Variants in ZNF790 observed in about 807,000 individuals in gnomAD.
The protein encoded by ZNF790 is zinc finger protein 790.
A neutral mutation model predicts 12.1 loss-of-function variants in ZNF790; 8 were observed. The ratio of observed to expected loss-of-function variants is 0.66; its 90% confidence interval spans 0.39 to 1.19. ZNF790 has a LOEUF of 1.19. Among genes scored for constraint, ZNF790 ranks in the 50% most tolerant of loss-of-function variants. ZNF790 has a pLI of 0.01. For synonymous variants in ZNF790, 252 were observed against 244.3 expected (o/e 1.03, Z -0.29); for missense variants, 707 against 752.2 (o/e 0.94, Z 0.70).
At chr19:36,829,863 G>A (rs548578720) in intron 1 of ZNF790, among the ~76,000 whole-genome samples, 7 of 152,198 alleles carry the variant, frequency 4.6e-5, no homozygotes, top group African/African-American at 1.2e-4. Context: ...TACCATGCCC[G>A]GCTGACAATT....
rs763189174 is a variant in ZNF790, at chr19:36,819,184, A to G, written c.1160T>C (p.Val387Ala). ...RGSNLAQHQN[V>A]HVGRKPYKCE... The stretch of plus-strand genomic sequence containing the variant: ...TTTATAAGGTTTCCTACCAACATGA[A>G]CATTCTGATGTTGAGCAAGATTTGA... The change falls in exon 5 of 5, where the codon GTT (valine) becomes GCT (alanine). Residue 387 changes from valine to alanine, a missense_variant. Val to Ala is a moderately conservative substitution (Grantham distance 64). Coordinates refer to ENST00000356725, the MANE Select transcript of ZNF790 (RefSeq NM_206894.4). 1 of 1,614,120 alleles carries G rather than the reference A, an allele frequency of 6.2e-7. No homozygotes were observed. The highest frequency in any genetic ancestry group is 2.2e-5 in the East Asian group (1 of 44,886).
intron 1 of ZNF790, among the ~76,000 whole-genome samples, chr19:36,826,489 A>G (rs2071801803): frequency 6.6e-6 from 1 of 151,690 alleles, no homozygotes; most frequent in African/African-American, 2.4e-5. Context: ...AGGCTGAGGC[A>G]GGAGAATCGC....
intron 4 of ZNF790, 74 bp downstream of exon 4, chr19:36,823,211 G>A: frequency 7.4e-7 from 1 of 1,345,386 alleles, no homozygotes; most frequent in Non-Finnish European, 1.1e-6. Flanking sequence ...TTTCAGAGGT[G>A]TTGCTGCCTC....
chr19:36,835,998 C>G (rs1351350528), intron 1 of ZNF790, among the ~76,000 whole-genome samples: 2 of 151,998 alleles, frequency 1.3e-5, no homozygotes, highest in African/African-American at 4.8e-5. Flanking sequence ...AAAGTAGCAT[C>G]GTCCTAGTTT....
In ZNF790 at chr19:36,817,545, A is replaced by T. The variant is rs1477625925; in HGVS notation, c.*888T>A. On this transcript the variant is annotated 3_prime_UTR_variant, in exon 5 of 5. Coordinates refer to ENST00000356725, the MANE Select transcript of ZNF790 (RefSeq NM_206894.4). The stretch of plus-strand genomic sequence containing the variant: ...TTATAGTCTTAAAAGTCCTCCTCTC[A>T]TAAAATGGCTTAATACCAATACAAA... 1.3e-5 allele frequency: 2 copies of T among 152,162 alleles called. No homozygotes were observed. The highest frequency in any genetic ancestry group is 2.4e-5 in the African/African-American group (1 of 41,432). 9.4% of individuals were successfully genotyped at this position (152,162 alleles called of 1,614,324 possible).
intron 4 of ZNF790, among the ~76,000 whole-genome samples, chr19:36,820,877 A>C (rs1195757396): frequency 2.7e-5 from 4 of 147,618 alleles, no homozygotes; most frequent in Admixed American, 6.8e-5. Flanking sequence ...CATGGGTGAC[A>C]GAGTGAGACC....
At chr19:36,831,514 C>G (rs2071944426) in intron 1 of ZNF790, among the ~76,000 whole-genome samples, 2 of 152,166 alleles carry the variant, frequency 1.3e-5, no homozygotes, top group Admixed American at 1.3e-4. Context: ...TCCAGGAGTT[C>G]AAGGTTGAGG....
chr19:36,828,285 C>A (rs2071873435), intron 1 of ZNF790, among the ~76,000 whole-genome samples: 2 of 151,988 alleles, frequency 1.3e-5, no homozygotes, highest in African/African-American at 4.8e-5. Context: ...CCAACATGGA[C>A]AAACCTCGTC....
At position 36,835,280 on chromosome 19, in the gene ZNF790, C is replaced by T. The variant is rs1332761313; in HGVS notation, c.-74+3057G>A. On this transcript the variant is annotated intron_variant, in intron 1 of 4. Coordinates refer to ENST00000356725, the MANE Select transcript of ZNF790 (RefSeq NM_206894.4). Reference sequence around the variant, plus strand: ...TGGGCGACAGAGGGAGACCCCGTCTCAAAAAAAATAAAATAAAATAAAATA... The same window carrying T: ...TGGGCGACAGAGGGAGACCCCGTCTTAAAAAAAATAAAATAAAATAAAATA... Among the ~76,000 whole-genome samples the T allele has an allele frequency of 2.7e-5, 4 of 150,224 alleles. No homozygotes were observed. The East Asian group carries it at 7.7e-4, about 29-fold the overall frequency.
In ZNF790 at chr19:36,820,069, C is replaced by T; in HGVS notation, c.275G>A (p.Gly92Asp). The change falls in exon 5 of 5, where the codon GGC (glycine) becomes GAC (aspartate). Residue 92 changes from glycine (G) to aspartate (D), a missense_variant. Gly to Asp is a moderately conservative substitution (Grantham distance 94). Transcript: ENST00000356725. ...TTGGGCTATTTCTCTCTCAAAAATG[C>T]CATTTTTTGGTAATAACTTCTTGGT... The part of the protein sequence containing the change: ...CQTKKLLPKN[G>D]IFEREIAQLE... 6.2e-7 allele frequency: 1 copy of T among 1,609,484 alleles called. No individual in the cohort carries two copies. Among genetic ancestry groups the T allele is most frequent in the Non-Finnish European group, 8.5e-7 (1 of 1,179,824 alleles).
Position 36,818,576 on chromosome 19 carries a change from C to T in ZNF790, c.1768G>A (p.Glu590Lys), listed in dbSNP as rs760427679. Residue 590 changes from glutamate to lysine, a missense_variant, in exon 5 of 5, where the codon GAA becomes AAA. Physicochemically the swap from Glu to Lys is moderately conservative, Grantham distance 56. Coordinates refer to ENST00000356725, the MANE Select transcript of ZNF790 (RefSeq NM_206894.4). ...QKIHNSANLC[E>K]WTDYGNTFSH... is the part of the protein sequence containing the mutation. ...AAGGTGTTCCCATAGTCTGTCCATT[C>T]ACAGAGATTTGCACTATTATGAATT... 5.0e-6 allele frequency: 8 copies of T among 1,610,584 alleles called. No homozygotes were observed. The highest frequency in any genetic ancestry group is 6.8e-6 in the Non-Finnish European group (8 of 1,177,058).
At chr19:36,821,419 A>C (rs531828273) in intron 4 of ZNF790, among the ~76,000 whole-genome samples, 2 of 152,108 alleles carry the variant, frequency 1.3e-5, no homozygotes, top group East Asian at 3.9e-4. Flanking sequence ...ATAAAACATC[A>C]CTTTGCAGAG....
intron 4 of ZNF790, among the ~76,000 whole-genome samples, chr19:36,820,394 T>G (rs191954171): frequency 6.6e-6 from 1 of 152,260 alleles, no homozygotes; most frequent in African/African-American, 2.4e-5. Flanking sequence ...AATAACAGAA[T>G]AATAAGTCAT....
chr19:36,822,669 T>C (rs559248146), intron 4 of ZNF790, among the ~76,000 whole-genome samples: 3 of 152,146 alleles, frequency 2.0e-5, no homozygotes, highest in African/African-American at 7.2e-5. Flanking sequence ...GCCTCCCGAG[T>C]AGCTGGGACT....
At position 36,817,615 on chromosome 19, in the gene ZNF790, T is replaced by C. The variant is rs1348083591; in HGVS notation, c.*818A>G. 6.6e-6 allele frequency: 1 copy of C among 151,444 alleles called. No homozygotes were observed. Among genetic ancestry groups the C allele is most frequent in the Non-Finnish European group, 1.5e-5 (1 of 67,962 alleles). 9.4% of individuals were successfully genotyped at this position (151,444 alleles called of 1,614,324 possible). A position where few individuals can be genotyped will look rare whatever the true frequency, so the allele number is the denominator to read the frequency against. On this transcript the variant is annotated 3_prime_UTR_variant, in exon 5 of 5. Coordinates refer to ENST00000356725, the MANE Select transcript of ZNF790 (RefSeq NM_206894.4). Reference sequence around the variant, plus strand: ...TAAATCTCAAATCATTCAACCCTTATAATCTAATGAATACGATTAAACAGA... The same window carrying C: ...TAAATCTCAAATCATTCAACCCTTACAATCTAATGAATACGATTAAACAGA...
rs34007492 is a variant in ZNF790, at chr19:36,845,411, CA to C, written c.-74+4590del. Among the ~76,000 whole-genome samples the C allele has an allele frequency of 6.5e-3, 813 of 125,144 alleles. 4 individuals are homozygous for C. The highest frequency in any genetic ancestry group is 0.019 in the African/African-American group (624 of 32,180). 82.1% of individuals were successfully genotyped at this position (125,144 alleles called of 152,430 possible). A position where few individuals can be genotyped will look rare whatever the true frequency, so the allele number is the denominator to read the frequency against. Reference sequence around the variant, plus strand: ...ACCTGGGTGACAGAGTCCCTGTTTCCAAAAAAAAAAAAAATTAGTAGGGAAA... The same window carrying C: ...ACCTGGGTGACAGAGTCCCTGTTTCCAAAAAAAAAAAAATTAGTAGGGAAA... On this transcript the variant is annotated intron_variant, in intron 1 of 4. Coordinates refer to the ZNF790 transcript ENST00000528994.
chr19:36,850,683 T>G (rs2072240730), upstream of ZNF790: 2 of 152,150 alleles, frequency 1.3e-5, no homozygotes, highest in African/African-American at 4.8e-5. Flanking sequence ...CCCGGAAGGC[T>G]CCGATGGGCA....
rs1177133323 is a variant in ZNF790 at position 36,818,426 on chromosome 19, T to C, written c.*7A>G. ...ATAAAGCCCTTCCTACACTTTTATA[T>C]AATATTTCACAAGAGTGAAATGAAG... On this transcript the variant is annotated 3_prime_UTR_variant, in exon 5 of 5. Transcript: ENST00000356725. 6.6e-7 allele frequency: 1 copy of C among 1,522,184 alleles called. No individual in the cohort carries two copies. The allele number at this position is 1,522,184 out of a possible 1,614,324, so 94.3% of individuals were successfully genotyped here.
chr19:36,842,295 G>T (rs1442731061), upstream of ZNF790, among the ~76,000 whole-genome samples: 1 of 152,010 alleles, frequency 6.6e-6, no homozygotes, highest in Non-Finnish European at 1.5e-5. Flanking sequence ...ATAACCTCAA[G>T]CTTAAAATGT....
Sources: gnomAD v4.1 joint callset for allele counts (sites outside exome capture counted in the v4.1 genomes callset) on GRCh38, gnomAD v4.1.1 for gene constraint, MANE v1.5 for transcripts, NCBI Gene and HGNC (gene_info 2026-07-23, HGNC 2026-07-21) for gene names.